Variants in ADGRB3 observed in about 807,000 individuals in gnomAD.
ADGRB3 encodes the protein adhesion G protein-coupled receptor B3.
ADGRB3 carries 37 observed loss-of-function variants against 193.4 expected under a neutral mutation model. The ratio of observed to expected loss-of-function variants is 0.19; its 90% CI spans 0.15 to 0.25. ADGRB3 has a LOEUF of 0.25. Ranked by LOEUF, ADGRB3 falls within the 10% of genes least tolerant of loss-of-function variation. The probability of loss-of-function intolerance (pLI) is 1.00; values close to 1 mark genes in which losing one functional copy is unlikely to be tolerated. For missense variants in ADGRB3, 1,637 were observed against 1,852.9 expected (o/e 0.88, Z 2.14); for synonymous variants, 690 against 644.2 (o/e 1.07, Z -1.08).
At chr6:68,885,707 C>A (rs188667293) in intron 3 of ADGRB3, among the ~76,000 whole-genome samples, 34 of 152,228 alleles carry the variant, frequency 2.2e-4, no homozygotes, top group African/African-American at 8.2e-4. Context: ...ATCAAAGATA[C>A]AAAATTTCAG....
chr6:69,123,225 T>G (rs1318749471), intron 17 of ADGRB3, among the ~76,000 whole-genome samples: 2 of 152,186 alleles, frequency 1.3e-5, no homozygotes, highest in South Asian at 2.1e-4. Context: ...TTTTGTATTT[T>G]TATGCATTCA....
intron 3 of ADGRB3, among the ~76,000 whole-genome samples, chr6:68,758,849 T>A (rs1026141476): frequency 6.6e-6 from 1 of 152,172 alleles, no homozygotes; most frequent in African/African-American, 2.4e-5. Context: ...CTCCCAATCC[T>A]AAAAACTGCT....
chr6:69,169,927 A>G (rs996959221), intron 17 of ADGRB3, among the ~76,000 whole-genome samples: 1 of 152,138 alleles, frequency 6.6e-6, no homozygotes, highest in Non-Finnish European at 1.5e-5. Flanking sequence ...GTGCAGAAAA[A>G]TAGAGTCAGC....
intron 17 of ADGRB3, among the ~76,000 whole-genome samples, chr6:69,090,788 T>A (rs1335958841): frequency 6.6e-6 from 1 of 152,180 alleles, no homozygotes; most frequent in East Asian, 1.9e-4. Context: ...GTTTGGATTG[T>A]TTGGATTGAT....
intron 17 of ADGRB3, among the ~76,000 whole-genome samples, chr6:69,183,427 T>A (rs1189613535): frequency 6.6e-6 from 1 of 152,042 alleles, no homozygotes; most frequent in East Asian, 1.9e-4. Flanking sequence ...TTTAAAATTA[T>A]TGGAGTGCTT....
At chr6:68,819,139 C>T (rs148965172) in intron 3 of ADGRB3, among the ~76,000 whole-genome samples, 268 of 151,968 alleles carry the variant, frequency 1.8e-3, no homozygotes, top group African/African-American at 6.1e-3. Flanking sequence ...CAATGATATG[C>T]ACCTATCCTC....
chr6:68,840,099 G>A (rs986982343), intron 3 of ADGRB3, among the ~76,000 whole-genome samples: 3 of 152,100 alleles, frequency 2.0e-5, no homozygotes, highest in Non-Finnish European at 2.9e-5. Flanking sequence ...AATACTCTGG[G>A]ATTCTAAATA....
chr6:68,935,947 C>T (rs3798966), intron 4 of ADGRB3, among the ~76,000 whole-genome samples: 96,319 of 151,824 alleles, frequency 0.63, 31,968 homozygotes, highest in Middle Eastern at 0.81. Context: ...AATAAATTAC[C>T]ACAAAATAAA....
intron 4 of ADGRB3, among the ~76,000 whole-genome samples, chr6:68,935,953 A>G (rs1428151808): frequency 6.6e-6 from 1 of 152,190 alleles, no homozygotes; most frequent in African/African-American, 2.4e-5. Flanking sequence ...TTACCACAAA[A>G]TAAACAGCTA....
At chr6:69,090,277 T>C (rs1772668155) in intron 17 of ADGRB3, among the ~76,000 whole-genome samples, 1 of 152,234 alleles carries the variant, frequency 6.6e-6, no homozygotes, top group African/African-American at 2.4e-5. Context: ...TTAGTATCTC[T>C]GGGACCTTGT....
intron 17 of ADGRB3, among the ~76,000 whole-genome samples, chr6:69,195,942 T>C (rs1189933914): frequency 2.0e-5 from 3 of 152,156 alleles, no homozygotes; most frequent in Non-Finnish European, 4.4e-5. Context: ...AAAAAATGAA[T>C]AGTCTACTGA....
At chr6:68,815,638 T>TGGGTGG (rs1554199244) in intron 3 of ADGRB3, among the ~76,000 whole-genome samples, 10 of 149,520 alleles carry the variant, frequency 6.7e-5, no homozygotes, top group East Asian at 4.0e-4. Flanking sequence ...TGTGTGTGTG[T>TGGGTGG]GTGCATGTAG....
chr6:69,178,254 C>T (rs1289533027), intron 17 of ADGRB3, among the ~76,000 whole-genome samples: 3 of 152,108 alleles, frequency 2.0e-5, no homozygotes. Flanking sequence ...ATAGTGACCC[C>T]TGCTTCTTCT....
At chr6:69,339,275 G>A in intron 25 of ADGRB3, 58 bp from the exon 26 acceptor site, 1 of 1,561,794 alleles carries the variant, frequency 6.4e-7, no homozygotes, top group Non-Finnish European at 8.7e-7. Context: ...ATGGGGGTTT[G>A]GCTATGGCCT....
intron 17 of ADGRB3, among the ~76,000 whole-genome samples, chr6:69,195,703 A>G (rs1053799706): frequency 6.6e-6 from 1 of 151,962 alleles, no homozygotes; most frequent in African/African-American, 2.4e-5. Context: ...CAATACACAA[A>G]GTTTTTTTTT....
At chr6:69,084,684 G>C (rs1017177673) in intron 17 of ADGRB3, among the ~76,000 whole-genome samples, 8 of 152,070 alleles carry the variant, frequency 5.3e-5, no homozygotes, top group African/African-American at 1.9e-4. Flanking sequence ...TTGAAAATTT[G>C]CATCAAATTT....
chr6:69,365,565 T>C (rs1769550285), intron 29 of ADGRB3, among the ~76,000 whole-genome samples: 1 of 152,094 alleles, frequency 6.6e-6, no homozygotes, highest in South Asian at 2.1e-4. Flanking sequence ...CCTTAATTTT[T>C]CTTATCAATA....
At chr6:69,357,547 G>A (rs1383151024) in intron 28 of ADGRB3, among the ~76,000 whole-genome samples, 1 of 151,802 alleles carries the variant, frequency 6.6e-6, no homozygotes, top group Non-Finnish European at 1.5e-5. Context: ...ATTCAGTAAG[G>A]CACCCCCTTA....
chr6:68,970,941 A>G (rs1322104906), intron 8 of ADGRB3, among the ~76,000 whole-genome samples: 1 of 152,216 alleles, frequency 6.6e-6, no homozygotes, highest in Admixed American at 6.5e-5. Flanking sequence ...TAGCAGAGTT[A>G]GGAATTTCAA....
Sources: allele counts gnomAD v4.1 joint callset (sites outside exome capture counted in the v4.1 genomes callset), GRCh38; gene constraint gnomAD v4.1.1; transcripts MANE v1.5; gene names NCBI Gene and HGNC (gene_info 2026-07-23, HGNC 2026-07-21).